Variants in JAKMIP2 observed in about 807,000 individuals in gnomAD.
JAKMIP2 encodes janus kinase and microtubule interacting protein 2.
JAKMIP2 carries 25 observed loss-of-function variants against 115.0 expected under a neutral mutation model. That is an observed-to-expected ratio of 0.22 (90% CI 0.16 to 0.30). JAKMIP2 has a LOEUF of 0.30. Among genes scored for constraint, JAKMIP2 ranks in the 10% least tolerant of loss-of-function variants. JAKMIP2 has a pLI of 1.00. For missense variants in JAKMIP2, 642 were observed against 957.6 expected, an observed-to-expected ratio of 0.67 and a Z score of 4.35; for synonymous variants, 334 against 343.6, an observed-to-expected ratio of 0.97 and a Z score of 0.31.
At position 147,717,327 on chromosome 5, in the gene JAKMIP2, G is replaced by A. The variant is rs1469731456; in HGVS notation, c.-148-45373C>T. 7.5e-5 allele frequency among the ~76,000 whole-genome samples: 11 copies of A among 145,922 alleles called. No individual in the cohort carries two copies. In the South Asian group the frequency reaches 1.4e-3, roughly 18 times the overall value. Reference sequence around the variant, plus strand: ...TGGCTTAGGATTGACTTGGCAATGCGGGCTCTTTTTTGGTTCCAGATGAAC... The same window carrying A: ...TGGCTTAGGATTGACTTGGCAATGCAGGCTCTTTTTTGGTTCCAGATGAAC... On this transcript the variant is annotated intron_variant, in intron 1 of 21. Transcript: ENST00000616793.
At chr5:147,615,377 C>T (rs1482982643) in intron 19 of JAKMIP2, among the ~76,000 whole-genome samples, 1 of 152,088 alleles carries the variant, frequency 6.6e-6, no homozygotes, top group Non-Finnish European at 1.5e-5. Context: ...AATTATGCAA[C>T]AAGGGCTTAG....
At chr5:147,648,296 T>A in intron 5 of JAKMIP2, 80 bp downstream of exon 5, 1 of 755,978 alleles carries the variant, frequency 1.3e-6, no homozygotes. Flanking sequence ...TCTATTATGG[T>A]ACGTATCTAT....
At chr5:147,613,243 A>T (rs1021150711) in intron 19 of JAKMIP2, among the ~76,000 whole-genome samples, 5 of 152,220 alleles carry the variant, frequency 3.3e-5, no homozygotes, top group Non-Finnish European at 5.9e-5. Flanking sequence ...GTTCATGTAC[A>T]TGGTTATATA....
At position 147,629,619 on chromosome 5, in the gene JAKMIP2, A is replaced by G. The variant is rs932655924; in HGVS notation, c.1929+74T>C. On this transcript the variant is annotated intron_variant, in intron 15 of 21. Coordinates refer to ENST00000616793, the MANE Select transcript of JAKMIP2 (RefSeq NM_001270941.2). Reference sequence around the variant, plus strand: ...CATCTCACTTGCTCTTACTTTACACATGATGCATTGTTAAGTATCTCTTGC... The same window carrying G: ...CATCTCACTTGCTCTTACTTTACACGTGATGCATTGTTAAGTATCTCTTGC... 12 of 1,004,702 alleles carry G rather than the reference A, an allele frequency of 1.2e-5. 1 individual carries two copies. In the East Asian group the frequency reaches 2.9e-4, roughly 24 times the overall value. The allele number at this position is 1,004,702 out of a possible 1,614,324, so 62.2% of individuals were successfully genotyped here.
chr5:147,776,230 T>G (rs1400452970), intron 1 of JAKMIP2, among the ~76,000 whole-genome samples: 1 of 152,148 alleles, frequency 6.6e-6, no homozygotes, highest in Non-Finnish European at 1.5e-5. Context: ...CATCCTGAAT[T>G]GTAGTTCCCA....
At chr5:147,778,877 T>C (rs1487085785) in intron 1 of JAKMIP2, among the ~76,000 whole-genome samples, 2 of 152,118 alleles carry the variant, frequency 1.3e-5, no homozygotes, top group Non-Finnish European at 2.9e-5. Context: ...CCTCTACAAA[T>C]AGTTGTTAGT....
intron 2 of JAKMIP2, among the ~76,000 whole-genome samples, chr5:147,669,346 AG>A (rs1192463799): frequency 6.6e-6 from 1 of 152,174 alleles, no homozygotes; most frequent in African/African-American, 2.4e-5. Context: ...GAAAAGGACG[AG>A]GCTGTGTGCT....
At chr5:147,652,374 T>C (rs1432429495) in intron 3 of JAKMIP2, among the ~76,000 whole-genome samples, 1 of 152,190 alleles carries the variant, frequency 6.6e-6, no homozygotes, top group East Asian at 1.9e-4. Context: ...TATATAGTAA[T>C]TAGCATTGAG....
chr5:147,743,122 T>G (rs1754211917), intron 1 of JAKMIP2, among the ~76,000 whole-genome samples: 1 of 152,252 alleles, frequency 6.6e-6, no homozygotes, highest in Non-Finnish European at 1.5e-5. Flanking sequence ...TAAGTCATCA[T>G]CTTATGAATC....
intron 19 of JAKMIP2, among the ~76,000 whole-genome samples, chr5:147,614,145 G>T (rs899262371): frequency 2.6e-5 from 4 of 152,164 alleles, no homozygotes; most frequent in Non-Finnish European, 5.9e-5. Context: ...ATCTATGCTT[G>T]TTGGGCACCT....
intron 1 of JAKMIP2, among the ~76,000 whole-genome samples, chr5:147,764,945 AGGGAGAGAGAGAGAGAGAGAGG>A (rs1755081733): frequency 2.2e-5 from 2 of 89,122 alleles, no homozygotes. Flanking sequence ...AGAGAGAGAG[AGGGAGAGAGAGAGAGAGAGAGG>A]GGGAGAGAGA....
intron 1 of JAKMIP2, among the ~76,000 whole-genome samples, chr5:147,741,648 T>G (rs1369200830): frequency 6.6e-6 from 1 of 152,166 alleles, no homozygotes; most frequent in East Asian, 1.9e-4. Flanking sequence ...ATGGGTAATA[T>G]TCATTCTAGG....
chr5:147,655,045 G>A (rs1758609393), intron 3 of JAKMIP2, among the ~76,000 whole-genome samples: 1 of 152,176 alleles, frequency 6.6e-6, no homozygotes, highest in Non-Finnish European at 1.5e-5. Context: ...GCATCCCAGG[G>A]ATGAAGCTGA....
At chr5:147,695,351 T>C (rs1432829) in intron 1 of JAKMIP2, among the ~76,000 whole-genome samples, 42,080 of 152,030 alleles carry the variant, frequency 0.28, 6,785 homozygotes, top group East Asian at 0.5. Context: ...CTCTCAAGGA[T>C]CCAGACTTCC....
intron 1 of JAKMIP2, among the ~76,000 whole-genome samples, chr5:147,702,299 G>C (rs186137461): frequency 6.8e-6 from 1 of 147,654 alleles, no homozygotes; most frequent in African/African-American, 2.5e-5. Context: ...TTGAGGACTA[G>C]GGGGAAAGGG....
chr5:147,696,986 A>C (rs1267616465), intron 1 of JAKMIP2, among the ~76,000 whole-genome samples: 1 of 152,192 alleles, frequency 6.6e-6, no homozygotes, highest in Non-Finnish European at 1.5e-5. Context: ...AGAGCATAAA[A>C]GTTTGGAAAA....
rs527431846 is a variant in JAKMIP2, at chr5:147,781,976, C to A, written c.-149+480G>T. Among the ~76,000 whole-genome samples, 4 of 152,150 alleles carry A rather than the reference C, an allele frequency of 2.6e-5. No homozygotes were observed. In the East Asian group the frequency reaches 5.8e-4, roughly 22 times the overall value. On this transcript the variant is annotated intron_variant, in intron 1 of 21. Transcript: ENST00000616793. Reference sequence around the variant, plus strand: ...TATATTAGAATATAAAATAAAATGTCAAATTCTGGGGCCACTTTTTCTAAG... The same window carrying A: ...TATATTAGAATATAAAATAAAATGTAAAATTCTGGGGCCACTTTTTCTAAG...
At chr5:147,694,637 C>T (rs112970024) in intron 1 of JAKMIP2, among the ~76,000 whole-genome samples, 3,236 of 152,264 alleles carry the variant, frequency 0.021, 146 homozygotes, top group African/African-American at 0.072. Flanking sequence ...GTAATTTGGC[C>T]TCTCATGTCT....
intron 2 of JAKMIP2, among the ~76,000 whole-genome samples, chr5:147,671,391 G>A (rs958299335): frequency 2.0e-5 from 3 of 152,208 alleles, no homozygotes; most frequent in African/African-American, 4.8e-5. Context: ...AGTGTTTGGC[G>A]GTGGTAAGGG....
Sources: gnomAD v4.1 joint callset for allele counts (sites outside exome capture counted in the v4.1 genomes callset) on GRCh38, gnomAD v4.1.1 for gene constraint, MANE v1.5 for transcripts, NCBI Gene and HGNC (gene_info 2026-07-23, HGNC 2026-07-21) for gene names.